Variants in NAV3 observed in about 807,000 individuals in gnomAD.
NAV3 encodes the protein pore membrane and/or filament interacting like protein 1.
A neutral mutation model predicts 244.7 loss-of-function variants in NAV3; 87 were observed. The observed-to-expected ratio is 0.36, with a 90% CI of 0.30 to 0.42. The LOEUF (loss-of-function observed/expected upper bound fraction) is 0.42. Ranked by LOEUF, NAV3 falls within the 20% of genes least tolerant of loss-of-function variation. The pLI, the probability that NAV3 is intolerant of heterozygous loss-of-function variation, is 1.00. For missense variants in NAV3, 2,663 were observed against 2,893.3 expected, an observed-to-expected ratio of 0.92 and a Z score of 1.83; for synonymous variants, 1,126 against 1,042.2, an observed-to-expected ratio of 1.08 and a Z score of -1.55.
At chr12:77,828,596 C>T (rs187187440), upstream of NAV3, among the ~76,000 whole-genome samples, 539 of 152,106 alleles carry the variant, frequency 3.5e-3, 3 homozygotes, top group African/African-American at 0.01. Flanking sequence ...GGTCTCAAAA[C>T]GGTGTGGTTC....
chr12:77,897,819 C>G (rs1208273023), intron 1 of NAV3, among the ~76,000 whole-genome samples: 1 of 152,004 alleles, frequency 6.6e-6, no homozygotes, highest in Non-Finnish European at 1.5e-5. Flanking sequence ...TGCTACCACA[C>G]TAAAGAAGCC....
At chr12:78,165,187 T>C (rs900803863) in intron 23 of NAV3, among the ~76,000 whole-genome samples, 6 of 152,028 alleles carry the variant, frequency 3.9e-5, no homozygotes, top group African/African-American at 9.7e-5. Context: ...CTTGAATAGC[T>C]CACTGGAGGA....
intron 9 of NAV3, among the ~76,000 whole-genome samples, chr12:78,043,122 C>T (rs1052099602): frequency 1.3e-5 from 2 of 152,078 alleles, no homozygotes; most frequent in Non-Finnish European, 2.9e-5. Context: ...GTGTGATGTT[C>T]CCCTTCCTGT....
chr12:77,682,137 A>AC (rs1425438106), intron 2 of NAV3, among the ~76,000 whole-genome samples: 2 of 150,962 alleles, frequency 1.3e-5, no homozygotes, highest in Non-Finnish European at 3.0e-5. Context: ...GTCCCCTGCC[A>AC]CCCCCCACCT....
chr12:77,637,285 G>A (rs11106073), intron 2 of NAV3, among the ~76,000 whole-genome samples: 138 of 151,934 alleles, frequency 9.1e-4, no homozygotes, highest in Non-Finnish European at 1.1e-3. Context: ...CCATCACTGA[G>A]GTGTAAAAAT....
intron 34 of NAV3, among the ~76,000 whole-genome samples, chr12:78,191,205 A>C (rs1260722465): frequency 6.6e-6 from 1 of 152,162 alleles, no homozygotes; most frequent in African/African-American, 2.4e-5. Context: ...CTTAATGAAC[A>C]AAAAGTATTA....
intron 2 of NAV3, among the ~76,000 whole-genome samples, chr12:77,794,863 A>T (rs994993554): frequency 6.6e-6 from 1 of 152,192 alleles, no homozygotes; most frequent in African/African-American, 2.4e-5. Flanking sequence ...TAATTGATAG[A>T]TGCTGTGTGT....
At chr12:77,619,874 C>T (rs554360678) in intron 2 of NAV3, among the ~76,000 whole-genome samples, 51 of 151,950 alleles carry the variant, frequency 3.4e-4, no homozygotes, top group African/African-American at 1.2e-3. Context: ...CAAAAAGTCT[C>T]TCTCTCTCAC....
At chr12:77,859,087 C>T (rs561324733) in intron 1 of NAV3, among the ~76,000 whole-genome samples, 2 of 152,144 alleles carry the variant, frequency 1.3e-5, no homozygotes, top group South Asian at 4.1e-4. Flanking sequence ...AAGTGTATGT[C>T]ATTCACAATA....
intron 15 of NAV3, 34 bp downstream of exon 15, chr12:78,119,979 A>G (rs749491416): frequency 1.9e-6 from 3 of 1,559,694 alleles, no homozygotes; most frequent in East Asian, 2.2e-5. Flanking sequence ...GGAAAAATAT[A>G]AAGGATAAAT....
chr12:78,028,461 A>T (rs1476364425), intron 9 of NAV3, among the ~76,000 whole-genome samples: 1 of 152,218 alleles, frequency 6.6e-6, no homozygotes, highest in Non-Finnish European at 1.5e-5. Flanking sequence ...TGCTGAAACA[A>T]CACAAGTTTT....
rs370485829 is a variant in NAV3, at chr12:77,702,045, G to A, written c.72+129779G>A. Among the ~76,000 whole-genome samples, 5 of 151,872 alleles carry A rather than the reference G, an allele frequency of 3.3e-5. No homozygotes were observed. In the South Asian group the frequency reaches 8.3e-4, roughly 25 times the overall value. Reference sequence around the variant, plus strand: ...TTTTCTAGTTGTGTTATAAATTACCGAGAGAAGGATATTAATATCTCCAAT... The same window carrying A: ...TTTTCTAGTTGTGTTATAAATTACCAAGAGAAGGATATTAATATCTCCAAT... On this transcript the variant is annotated intron_variant, in intron 2 of 8. Transcript: ENST00000550042.
intron 1 of NAV3, among the ~76,000 whole-genome samples, chr12:77,904,996 CA>C (rs1431011303): frequency 6.6e-6 from 1 of 151,832 alleles, no homozygotes; most frequent in Non-Finnish European, 1.5e-5. Context: ...AGTATGTATT[CA>C]ATGCAGAAAT....
chr12:77,836,709 T>G (rs1316585765), intron 1 of NAV3, among the ~76,000 whole-genome samples: 2 of 152,206 alleles, frequency 1.3e-5, no homozygotes, highest in Non-Finnish European at 2.9e-5. Flanking sequence ...TTTTCTGGGT[T>G]TACCCTATCA....
intron 23 of NAV3, among the ~76,000 whole-genome samples, chr12:78,162,125 CT>C (rs1371352092): frequency 6.6e-6 from 1 of 152,128 alleles, no homozygotes; most frequent in Non-Finnish European, 1.5e-5. Flanking sequence ...GACAAAATCA[CT>C]GTTCAAATAG....
intron 1 of NAV3, among the ~76,000 whole-genome samples, chr12:77,894,936 G>T (rs1197993354): frequency 6.6e-6 from 1 of 152,160 alleles, no homozygotes; most frequent in Non-Finnish European, 1.5e-5. Flanking sequence ...CATCTTTGGA[G>T]AGCTTCATCC....
chr12:78,187,341 C>T (rs1399339063), intron 31 of NAV3, among the ~76,000 whole-genome samples: 1 of 151,850 alleles, frequency 6.6e-6, no homozygotes, highest in African/African-American at 2.4e-5. Flanking sequence ...TATCTTCTAA[C>T]TCATGACTCA....
chr12:78,101,441 A>C (rs1593583848), intron 12 of NAV3, among the ~76,000 whole-genome samples: 1 of 152,308 alleles, frequency 6.6e-6, no homozygotes, highest in South Asian at 2.1e-4. Flanking sequence ...AGAAAGTAAA[A>C]GGAATCTTTT....
Position 77,940,367 on chromosome 12 carries a change from C to A in NAV3, c.292C>A (p.Arg98=), listed in dbSNP as rs1204513600. ...CTACCTAGCAAAATCAGGCCACAAG[C>A]GGCTGATCAAGGACTTGCAACAAGA... ...NHYLAKSGHK[R]LIKDLQQDIA... Residue 98 remains arginine (R), a synonymous_variant, in exon 2 of 40, where the codon CGG becomes AGG. Transcript: ENST00000397909. 3.1e-6 allele frequency: 5 copies of A among 1,613,900 alleles called. No individual in the cohort carries two copies. The Admixed American group carries it at 6.7e-5, about 22-fold the overall frequency.
Sources: allele counts gnomAD v4.1 joint callset (sites outside exome capture counted in the v4.1 genomes callset), GRCh38; gene constraint gnomAD v4.1.1; transcripts MANE v1.5; gene names NCBI Gene and HGNC (gene_info 2026-07-23, HGNC 2026-07-21).